The following FREM2 variants were observed in gnomAD, a reference collection of about 807,000 sequenced individuals.
FREM2 encodes FRAS1 related extracellular matrix 2, also known as FRAS1-related extracellular matrix protein 2.
FREM2 carries 119 observed loss-of-function variants against 219.9 expected under a neutral mutation model. The ratio of observed to expected loss-of-function variants is 0.54; its 90% confidence interval spans 0.47 to 0.63. The LOEUF is 0.63. Ranked by LOEUF, FREM2 falls within the 30% of genes least tolerant of loss-of-function variation. The pLI, the probability that FREM2 is intolerant of heterozygous loss-of-function variation, is 0.00. For synonymous variants in FREM2, 1,562 were observed against 1,522.8 expected (o/e 1.03, Z -0.60); for missense variants, 4,030 against 3,993.6 (o/e 1.01, Z -0.25).
intron 4 of FREM2, among the ~76,000 whole-genome samples, chr13:38,773,226 C>T (rs1470031700): frequency 6.6e-6 from 1 of 152,138 alleles, no homozygotes; most frequent in East Asian, 1.9e-4. Flanking sequence ...TGGTCCAATA[C>T]TCAGTGCCCT....
chr13:38,734,722 G>T (rs1239665584), intron 2 of FREM2, among the ~76,000 whole-genome samples: 3 of 140,202 alleles, frequency 2.1e-5, no homozygotes, highest in East Asian at 2.1e-4. Context: ...TTAGTGAGAA[G>T]AATTGCAGTG....
rs1219581186 is a variant in FREM2 at position 38,877,106 on chromosome 13, T to A, written c.8545-11T>A. On this transcript the variant is annotated splice_polypyrimidine_tract_variant and intron_variant, in intron 20 of 23. Coordinates refer to ENST00000280481, the MANE Select transcript of FREM2 (RefSeq NM_207361.6). ...ACTGATGCATAAAAGAACTTTTACC[T>A]TTGGTTTTAGGTCAGTGATCCAGTG... 6.2e-7 allele frequency: 1 copy of A among 1,614,026 alleles called. No individual in the cohort carries two copies. The highest frequency in any genetic ancestry group is 1.7e-5 in the Admixed American group (1 of 60,022).
At position 38,848,551 on chromosome 13, in the gene FREM2, T is replaced by C; in HGVS notation, c.6260T>C (p.Leu2087Pro). The C allele has an allele frequency of 6.2e-7, 1 of 1,614,016 alleles. No homozygotes were observed. Among genetic ancestry groups the C allele is most frequent in the Non-Finnish European group, 8.5e-7 (1 of 1,179,888 alleles). The change falls in exon 8 of 24, where the codon CTT becomes CCT. Residue 2087 changes from leucine (L) to proline (P), a missense_variant. Coordinates refer to ENST00000280481, the MANE Select transcript of FREM2 (RefSeq NM_207361.6). ...QPVRVVILDDLGQPALEGIEK... is the reference protein window; with the variant it reads ...QPVRVVILDDPGQPALEGIEK... ...GTTCGTGTTGTCATTCTGGATGACC[T>C]TGGACAACCAGCGCTGGAGGGAATT... is the stretch of plus-strand genomic sequence containing the variant.
intron 4 of FREM2, among the ~76,000 whole-genome samples, chr13:38,773,994 A>G (rs1159008802): frequency 6.6e-6 from 1 of 150,750 alleles, no homozygotes; most frequent in African/African-American, 2.4e-5. Flanking sequence ...ATATAATAAA[A>G]CTAAACAATA....
intron 6 of FREM2, among the ~76,000 whole-genome samples, chr13:38,810,021 G>C (rs746479821): frequency 6.6e-6 from 1 of 151,700 alleles, no homozygotes; most frequent in African/African-American, 2.4e-5. Context: ...TTATGGTTTT[G>C]TTGTAGAGCT....
chr13:38,726,945 G>A (rs927009282), intron 2 of FREM2, among the ~76,000 whole-genome samples: 30 of 152,206 alleles, frequency 2.0e-4, no homozygotes, highest in African/African-American at 6.5e-4. Flanking sequence ...CTGCCAAGTT[G>A]CCAGGTACTT....
intron 2 of FREM2, among the ~76,000 whole-genome samples, chr13:38,744,927 TC>T (rs1315215991): frequency 6.6e-6 from 1 of 152,254 alleles, no homozygotes; most frequent in Non-Finnish European, 1.5e-5. Context: ...AATAATTGAA[TC>T]CATTATTTAT....
intron 2 of FREM2, among the ~76,000 whole-genome samples, chr13:38,730,386 G>T (rs577940048): frequency 6.6e-6 from 1 of 152,166 alleles, no homozygotes; most frequent in African/African-American, 2.4e-5. Context: ...ATTTGAGAAC[G>T]TAACATATGG....
Position 38,846,707 on chromosome 13 carries a change from C to G in FREM2, c.6154C>G (p.Pro2052Ala). Residue 2052 changes from proline to alanine, a missense_variant, in exon 7 of 24, where the codon CCT (proline) becomes GCT (alanine). Around this residue, in one of 2 missense-constraint regions of FREM2, gnomAD observed 3,102 missense variants for 2,950.7 expected, o/e 1.05. Coordinates refer to ENST00000280481, the MANE Select transcript of FREM2 (RefSeq NM_207361.6). ...SVTVRSRKTD[P>A]PSADAGTDYV... Reference sequence around the variant, plus strand: ...CACAGTGAGGTCTCGGAAAACAGATCCTCCCTCTGCAGATGGTGAGCAGTT... The same window carrying G: ...CACAGTGAGGTCTCGGAAAACAGATGCTCCCTCTGCAGATGGTGAGCAGTT... The G allele has an allele frequency of 6.2e-7, 1 of 1,613,706 alleles. No homozygotes were observed. The highest frequency in any genetic ancestry group is 8.5e-7 in the Non-Finnish European group (1 of 1,179,738).
At chr13:38,751,821 G>A (rs540902957) in intron 2 of FREM2, among the ~76,000 whole-genome samples, 1 of 150,732 alleles carries the variant, frequency 6.6e-6, no homozygotes, top group South Asian at 2.1e-4. Flanking sequence ...TTCTAACAAG[G>A]ACTGGAGCTC....
intron 2 of FREM2, among the ~76,000 whole-genome samples, chr13:38,726,899 A>G (rs1186629031): frequency 6.6e-6 from 1 of 152,218 alleles, no homozygotes; most frequent in Admixed American, 6.5e-5. Context: ...AGTTGTTTCT[A>G]AAAGAGTTAA....
chr13:38,865,125 C>G (rs1245066171), intron 16 of FREM2, among the ~76,000 whole-genome samples: 1 of 152,094 alleles, frequency 6.6e-6, no homozygotes. Context: ...TTCTGTTTTT[C>G]TCCTCTTCTT....
In FREM2 at chr13:38,688,494, A is replaced by C; in HGVS notation, c.1150A>C (p.Thr384Pro). ...TCGCAGCCTGCCCCTTTCCTCCTTC[A>C]CTCAGAGGGATCTGCGGCTCCTGAA... The part of the protein sequence containing the change: ...DDRSLPLSSF[T>P]QRDLRLLKIA... The change falls in exon 1 of 24, where the codon ACT (threonine) becomes CCT (proline). Residue 384 changes from threonine to proline, a missense_variant. Thr to Pro is a conservative substitution (Grantham distance 38, BLOSUM62 -1). This residue lies in a region of FREM2 where 3,102 missense variants were observed against 2,950.7 expected (regional missense o/e 1.05). Coordinates refer to ENST00000280481, the MANE Select transcript of FREM2 (RefSeq NM_207361.6). The C allele has an allele frequency of 6.2e-7, 1 of 1,613,386 alleles. No individual in the cohort carries two copies. Among genetic ancestry groups the C allele is most frequent in the Non-Finnish European group, 8.5e-7 (1 of 1,179,812 alleles).
chr13:38,810,139 A>G (rs1241753658), intron 6 of FREM2, among the ~76,000 whole-genome samples: 1 of 152,044 alleles, frequency 6.6e-6, no homozygotes, highest in African/African-American at 2.4e-5. Flanking sequence ...AACTTGACAT[A>G]TAGGAATGCT....
intron 4 of FREM2, among the ~76,000 whole-genome samples, chr13:38,771,220 A>G (rs1326561568): frequency 6.6e-6 from 1 of 152,248 alleles, no homozygotes; most frequent in Non-Finnish European, 1.5e-5. Context: ...AAGAATAGTT[A>G]GCATTTACTT....
intron 2 of FREM2, among the ~76,000 whole-genome samples, chr13:38,736,300 A>T (rs962693533): frequency 3.9e-5 from 6 of 152,194 alleles, no homozygotes; most frequent in African/African-American, 1.4e-4. Flanking sequence ...AAAGGAAACA[A>T]ATGGACCTAA....
chr13:38,838,862 C>T (rs1478490592), intron 6 of FREM2, among the ~76,000 whole-genome samples: 4 of 152,066 alleles, frequency 2.6e-5, no homozygotes, highest in Non-Finnish European at 4.4e-5. Flanking sequence ...ATTCCTCAAA[C>T]CTTCTTTCAA....
chr13:38,748,174 G>A (rs575623108), intron 2 of FREM2, among the ~76,000 whole-genome samples: 1 of 152,300 alleles, frequency 6.6e-6, no homozygotes, highest in East Asian at 1.9e-4. Flanking sequence ...AAAGCAAAGC[G>A]TGTGTTCCAA....
At chr13:38,853,789 T>C (rs1877462205) in intron 11 of FREM2, among the ~76,000 whole-genome samples, 1 of 152,300 alleles carries the variant, frequency 6.6e-6, no homozygotes, top group South Asian at 2.1e-4. Context: ...GCTACTGAAT[T>C]ATAAAATATT....
Sources: allele counts gnomAD v4.1 joint callset (sites outside exome capture counted in the v4.1 genomes callset), GRCh38; gene constraint gnomAD v4.1.1; regional missense constraint gnomAD v4.1.1; transcripts MANE v1.5; gene names NCBI Gene and HGNC (gene_info 2026-07-23, HGNC 2026-07-21).